Variants in TTLL11 observed in about 807,000 individuals in gnomAD.
TTLL11 encodes the protein tubulin tyrosine ligase like 11.
Under a neutral mutation model 51.7 loss-of-function variants are expected in TTLL11, and 42 were observed. That is an observed-to-expected ratio of 0.81 (90% CI 0.64 to 1.05). TTLL11 has a LOEUF of 1.05. Ranked by LOEUF, TTLL11 falls within the 50% of genes least tolerant of loss-of-function variation. The probability of loss-of-function intolerance (pLI) is 0.00; values close to 1 mark genes in which losing one functional copy is unlikely to be tolerated. For missense variants in TTLL11, 799 were observed against 940.4 expected (o/e 0.85, Z 1.97); for synonymous variants, 381 against 383.5 (o/e 0.99, Z 0.08).
intron 1 of TTLL11, among the ~76,000 whole-genome samples, chr9:122,089,376 A>G (rs1846203594): frequency 6.6e-6 from 1 of 152,212 alleles, no homozygotes; most frequent in Non-Finnish European, 1.5e-5. Context: ...GATCTCATCC[A>G]ATATCACCTC....
At chr9:121,968,597 G>A (rs530186559) in intron 6 of TTLL11, among the ~76,000 whole-genome samples, 39 of 152,106 alleles carry the variant, frequency 2.6e-4, no homozygotes, top group African/African-American at 9.2e-4. Flanking sequence ...TCGCTCTGTT[G>A]CCAGGCCGGA....
chr9:122,033,688 T>C (rs1844623737), intron 2 of TTLL11, among the ~76,000 whole-genome samples: 1 of 152,192 alleles, frequency 6.6e-6, no homozygotes, highest in African/African-American at 2.4e-5. Flanking sequence ...AACCAACTTC[T>C]TGCTTCCATC....
intron 3 of TTLL11, among the ~76,000 whole-genome samples, chr9:122,016,999 G>A (rs2131768168): frequency 1.3e-5 from 2 of 152,296 alleles, no homozygotes; most frequent in East Asian, 3.9e-4. Context: ...GCCACCTGCT[G>A]ATCACATTTG....
rs1376555948 is a variant in TTLL11 at position 121,989,779 on chromosome 9, G to A, written c.694-9C>T. 7.0e-6 allele frequency: 11 copies of A among 1,575,904 alleles called. No homozygotes were observed. Among genetic ancestry groups the A allele is most frequent in the Middle Eastern group, 3.4e-4 (2 of 5,846 alleles). The stretch of plus-strand genomic sequence containing the variant: ...TCTTTCACCATTTGAACCTGGAGGG[G>A]GAAAAAAGGATGGCCGACATTATAT... On this transcript the variant is annotated splice_polypyrimidine_tract_variant and intron_variant, in intron 3 of 8. Coordinates refer to ENST00000321582, the MANE Select transcript of TTLL11 (RefSeq NM_001139442.2). The surrounding 1 kb of genome is among the most constrained non-coding windows in gnomAD (Gnocchi z 4.2).
intron 3 of TTLL11, among the ~76,000 whole-genome samples, chr9:122,019,516 CT>C (rs1432464891): frequency 6.6e-6 from 1 of 152,212 alleles, no homozygotes; most frequent in Admixed American, 6.5e-5. Flanking sequence ...GTGGCATGAT[CT>C]TGGCCCACTG....
intron 1 of TTLL11, among the ~76,000 whole-genome samples, chr9:122,065,623 C>T (rs1845563000): frequency 6.6e-6 from 1 of 152,208 alleles, no homozygotes. Context: ...AGAATCCAAA[C>T]AACCCGGGTT....
At chr9:121,925,885 G>A (rs1405011356) in intron 6 of TTLL11, among the ~76,000 whole-genome samples, 1 of 152,188 alleles carries the variant, frequency 6.6e-6, no homozygotes, top group Non-Finnish European at 1.5e-5. Flanking sequence ...TGGCATCCAG[G>A]CCTCTAATCT....
At chr9:121,928,328 G>C (rs900373183) in intron 6 of TTLL11, among the ~76,000 whole-genome samples, 28 of 152,106 alleles carry the variant, frequency 1.8e-4, no homozygotes, top group Non-Finnish European at 3.7e-4. Context: ...CAAGCTGATG[G>C]GTCTGTACAT....
intron 6 of TTLL11, among the ~76,000 whole-genome samples, chr9:121,956,589 C>A (rs1442036808): frequency 6.6e-6 from 1 of 152,214 alleles, no homozygotes; most frequent in Non-Finnish European, 1.5e-5. Flanking sequence ...ATGGGGCCTA[C>A]TGGCCGCCCT....
At chr9:122,041,972 T>TG (rs1266257235) in intron 1 of TTLL11, among the ~76,000 whole-genome samples, 51 of 146,406 alleles carry the variant, frequency 3.5e-4, no homozygotes, top group Non-Finnish European at 6.7e-4. Flanking sequence ...AAAACAATCT[T>TG]GAAAAAAAAA....
At chr9:122,047,366 A>G (rs1845037091) in intron 1 of TTLL11, among the ~76,000 whole-genome samples, 1 of 152,218 alleles carries the variant, frequency 6.6e-6, no homozygotes, top group African/African-American at 2.4e-5. Context: ...AATGTGTAAA[A>G]GCACAGAGGT....
chr9:122,059,863 C>T (rs562334737), intron 1 of TTLL11, among the ~76,000 whole-genome samples: 1 of 152,298 alleles, frequency 6.6e-6, no homozygotes, highest in South Asian at 2.1e-4. Flanking sequence ...AATTCATCTC[C>T]TTGCAGCTGC....
chr9:122,082,501 CA>C (rs35349693), intron 1 of TTLL11, among the ~76,000 whole-genome samples: 231 of 84,656 alleles, frequency 2.7e-3, no homozygotes, highest in East Asian at 6.4e-3. Flanking sequence ...GACTCTGTCT[CA>C]AAAAAAAAAA....
chr9:121,988,657 A>G (rs899613705), intron 4 of TTLL11, among the ~76,000 whole-genome samples: 1 of 152,188 alleles, frequency 6.6e-6, no homozygotes, highest in East Asian at 1.9e-4. Context: ...CGCCCAGAGA[A>G]TGTTACGTGG....
chr9:121,904,719 C>T (rs1839879296), intron 6 of TTLL11, among the ~76,000 whole-genome samples: 1 of 152,232 alleles, frequency 6.6e-6, no homozygotes, highest in Admixed American at 6.5e-5. Flanking sequence ...CTGGTCGGTA[C>T]CTTGTTTTCC....
At chr9:121,960,422 G>A (rs1842182903) in intron 6 of TTLL11, among the ~76,000 whole-genome samples, 3 of 152,118 alleles carry the variant, frequency 2.0e-5, no homozygotes, top group Admixed American at 2.0e-4. Context: ...AGCTGTCCAT[G>A]CTCTGAGAGC....
At chr9:122,060,426 G>T (rs1204941068) in intron 1 of TTLL11, among the ~76,000 whole-genome samples, 2 of 152,190 alleles carry the variant, frequency 1.3e-5, no homozygotes, top group African/African-American at 4.8e-5. Context: ...GGAATATAAG[G>T]GTTAGAGAAG....
chr9:121,838,734 AAGAAAGAAAGAG>A lies in TTLL11; in HGVS notation c.1841-15867_1841-15856del, dbSNP rs548430633. The stretch of plus-strand genomic sequence containing the variant: ...ATTCTGTCAAGAAAGAAAGAAAAGA[AAGAAAGAAAGAG>A]AGAAAGAAAGAGAGAAAGCAAGCAA... On this transcript the variant is annotated intron_variant, in intron 8 of 8. Transcript: ENST00000321582. Among the ~76,000 whole-genome samples the A allele has an allele frequency of 3.0e-3, 452 of 151,786 alleles. 6 individuals are homozygous for A. The highest frequency in any genetic ancestry group is 0.01 in the African/African-American group (425 of 41,346).
At chr9:122,027,602 T>C (rs1467438113) in intron 3 of TTLL11, among the ~76,000 whole-genome samples, 1 of 152,214 alleles carries the variant, frequency 6.6e-6, no homozygotes, top group African/African-American at 2.4e-5. Context: ...ATGAAGAATT[T>C]GGGGTGCTCT....
Sources: gnomAD v4.1 joint callset for allele counts (sites outside exome capture counted in the v4.1 genomes callset) on GRCh38, gnomAD v4.1.1 for gene constraint, Gnocchi (gnomAD v3.1) non-coding constraint, MANE v1.5 for transcripts, NCBI Gene and HGNC (gene_info 2026-07-23, HGNC 2026-07-21) for gene names.